WDFY2: variants seen among roughly 807,000 people sequenced by gnomAD.
WDFY2 encodes the protein WD repeat and FYVE domain containing 2.
In WDFY2, 36 loss-of-function variants were observed where a neutral mutation model predicts 56.4. The ratio of observed to expected loss-of-function variants is 0.64; its 90% CI spans 0.49 to 0.84. The LOEUF is 0.84. WDFY2 is among the 40% of genes least tolerant of loss of function. The pLI is 0.00. For synonymous variants in WDFY2, 176 were observed against 183.7 expected (o/e 0.96, Z 0.34); for missense variants, 444 against 512.2 (o/e 0.87, Z 1.29).
chr13:51,675,184 A>G lies in WDFY2; in HGVS notation c.220A>G (p.Met74Val). The G allele has an allele frequency of 6.2e-7, 1 of 1,613,942 alleles. No individual in the cohort carries two copies. Among genetic ancestry groups the G allele is most frequent in the Non-Finnish European group, 8.5e-7 (1 of 1,179,884 alleles). ...ATTTCTTTCAGCTCCATGTTCATGC[A>G]TGTCTTTTAACCCGGAAACAAGAAG... Reference protein sequence around the residue: ...YHAMPSPCSCMSFNPETRRLS... With the variant: ...YHAMPSPCSCVSFNPETRRLS... Residue 74 changes from methionine (M) to valine (V), a missense_variant, in exon 3 of 12, where the codon ATG becomes GTG. Physicochemically the swap from Met to Val is conservative, Grantham distance 21. Coordinates refer to ENST00000298125, the MANE Select transcript of WDFY2 (RefSeq NM_052950.4).
chr13:51,633,970 CGTT>C (rs985152311), intron 1 of WDFY2, among the ~76,000 whole-genome samples: 3 of 152,106 alleles, frequency 2.0e-5, no homozygotes, highest in African/African-American at 7.2e-5. Context: ...AGGAGAGAAT[CGTT>C]GTTAAGAGCA....
intron 4 of WDFY2, among the ~76,000 whole-genome samples, chr13:51,716,793 A>C (rs1053179793): frequency 1.1e-4 from 16 of 149,036 alleles, no homozygotes; most frequent in Middle Eastern, 3.4e-3. Flanking sequence ...AAAAAAAAAA[A>C]CTAGCAAATT....
chr13:51,729,894 C>T (rs975888003), intron 6 of WDFY2, among the ~76,000 whole-genome samples: 1 of 152,212 alleles, frequency 6.6e-6, no homozygotes, highest in African/African-American at 2.4e-5. Context: ...ACTACATTCA[C>T]ACTGTTGTGC....
intron 1 of WDFY2, among the ~76,000 whole-genome samples, chr13:51,634,753 A>C (rs1955014092): frequency 6.6e-6 from 1 of 152,034 alleles, no homozygotes. Flanking sequence ...AGTACCAGGA[A>C]AGAACTATAG....
At chr13:51,625,517 CA>C (rs1212983198) in intron 1 of WDFY2, among the ~76,000 whole-genome samples, 42 of 152,126 alleles carry the variant, frequency 2.8e-4, no homozygotes, top group Admixed American at 2.8e-3. Context: ...CTTTAAAAAA[CA>C]AATTGATATT....
At chr13:51,716,347 A>G (rs1254498025) in intron 4 of WDFY2, among the ~76,000 whole-genome samples, 1 of 152,222 alleles carries the variant, frequency 6.6e-6, no homozygotes, top group Non-Finnish European at 1.5e-5. Context: ...TAAAATGTTT[A>G]AAGTGGTGAA....
At position 51,658,111 on chromosome 13, in the gene WDFY2, T is replaced by C. The variant is rs1452257640; in HGVS notation, c.138-2485T>C. ...AGTAATTCTGGAAGTCATATAATTC[T>C]CCCTCTCCAGAGGTTGCTGTTCTTA... is the stretch of plus-strand genomic sequence containing the variant. On this transcript the variant is annotated intron_variant, in intron 1 of 11. Transcript: ENST00000298125. Among the ~76,000 whole-genome samples the C allele has an allele frequency of 3.9e-5, 6 of 152,218 alleles. No individual in the cohort carries two copies. The East Asian group carries it at 1.2e-3, about 29-fold the overall frequency.
At position 51,751,435 on chromosome 13, in the gene WDFY2, G is replaced by C. The variant is rs1465886744; in HGVS notation, c.831+20G>C. 1.9e-6 allele frequency: 3 copies of C among 1,607,414 alleles called. No individual in the cohort carries two copies. The East Asian group carries it at 6.7e-5, about 36-fold the overall frequency. Reference sequence around the variant, plus strand: ...CAGGAGGTAGGTGGCACAGCAGGGTGGGGTGGGCCCTGTGGTTCTGGCCCT... The same window carrying C: ...CAGGAGGTAGGTGGCACAGCAGGGTCGGGTGGGCCCTGTGGTTCTGGCCCT... On this transcript the variant is annotated intron_variant, in intron 8 of 11. Coordinates refer to ENST00000298125, the MANE Select transcript of WDFY2 (RefSeq NM_052950.4).
At chr13:51,757,174 C>G (rs1953412635) in intron 10 of WDFY2, among the ~76,000 whole-genome samples, 1 of 152,110 alleles carries the variant, frequency 6.6e-6, no homozygotes, top group Non-Finnish European at 1.5e-5. Context: ...TCTTATTTAT[C>G]CATATCAAAT....
At chr13:51,598,772 A>G (rs1954207492) in intron 1 of WDFY2, 1 of 152,158 alleles carries the variant, frequency 6.6e-6, no homozygotes, top group Admixed American at 6.5e-5. Context: ...CCTCTATTGG[A>G]GAATTTGCTG....
chr13:51,623,199 T>G (rs1389143767), intron 1 of WDFY2, among the ~76,000 whole-genome samples: 2 of 150,754 alleles, frequency 1.3e-5, no homozygotes, highest in Non-Finnish European at 2.9e-5. Flanking sequence ...ATGTTACTTG[T>G]TTTTTTTAAA....
intron 6 of WDFY2, among the ~76,000 whole-genome samples, chr13:51,729,160 C>T (rs1347007895): frequency 2.0e-5 from 3 of 152,210 alleles, no homozygotes; most frequent in East Asian, 1.9e-4. Context: ...ACTAACTCTC[C>T]ACCTTTTCTT....
intron 3 of WDFY2, among the ~76,000 whole-genome samples, chr13:51,697,951 A>G (rs1226567635): frequency 6.6e-6 from 1 of 152,206 alleles, no homozygotes; most frequent in East Asian, 1.9e-4. Context: ...ATTTTTTTAA[A>G]TTAGCTCTCA....
At chr13:51,688,899 A>AT (rs1252019398) in intron 3 of WDFY2, among the ~76,000 whole-genome samples, 2 of 152,180 alleles carry the variant, frequency 1.3e-5, no homozygotes, top group Non-Finnish European at 2.9e-5. Flanking sequence ...TTACAGCAGA[A>AT]TTTTTATTGT....
intron 3 of WDFY2, among the ~76,000 whole-genome samples, chr13:51,676,182 C>G (rs1373217833): frequency 6.6e-6 from 1 of 152,220 alleles, no homozygotes; most frequent in African/African-American, 2.4e-5. Context: ...AGAGTCTTCA[C>G]TGACCTTTTT....
chr13:51,634,739 A>G (rs1217891861), intron 1 of WDFY2, among the ~76,000 whole-genome samples: 1 of 151,566 alleles, frequency 6.6e-6, no homozygotes, highest in Admixed American at 6.6e-5. Flanking sequence ...TTCCCCATAT[A>G]TTCAGTACCA....
chr13:51,589,712 G>T (rs947708162), intron 1 of WDFY2: 4 of 152,130 alleles, frequency 2.6e-5, no homozygotes, highest in South Asian at 2.1e-4. Flanking sequence ...GGGAGTGAGC[G>T]CTCTGAAGTC....
At chr13:51,699,523 A>G (rs1370831093) in intron 3 of WDFY2, among the ~76,000 whole-genome samples, 1 of 152,252 alleles carries the variant, frequency 6.6e-6, no homozygotes, top group Non-Finnish European at 1.5e-5. Context: ...ACCAGGCTAC[A>G]GCAGAATTTG....
intron 5 of WDFY2, among the ~76,000 whole-genome samples, chr13:51,719,818 C>G (rs1235053686): frequency 1.3e-5 from 2 of 152,084 alleles, no homozygotes; most frequent in Admixed American, 1.3e-4. Flanking sequence ...ATGCCAGGAC[C>G]AGAGTGGGTG....
Sources: allele counts gnomAD v4.1 joint callset (sites outside exome capture counted in the v4.1 genomes callset), GRCh38; gene constraint gnomAD v4.1.1; transcripts MANE v1.5; gene names NCBI Gene and HGNC (gene_info 2026-07-23, HGNC 2026-07-21).